The following MEGF6 variants were observed in gnomAD, a reference collection of about 807,000 sequenced individuals.
The protein encoded by MEGF6 is multiple EGF like domains 6.
MEGF6 carries 184 observed loss-of-function variants against 207.1 expected under a neutral mutation model. That is an observed-to-expected ratio of 0.89 (90% CI 0.79 to 1.00). MEGF6 has a LOEUF of 1.00. Among genes scored for constraint, MEGF6 ranks in the 50% least tolerant of loss-of-function variants. The pLI, the probability that MEGF6 is intolerant of heterozygous loss-of-function variation, is 0.00. For synonymous variants in MEGF6, 1,038 were observed against 910.0 expected, an observed-to-expected ratio of 1.14 and a Z score of -2.53; for missense variants, 2,282 against 2,202.9, an observed-to-expected ratio of 1.04 and a Z score of -0.72.
intron 5 of MEGF6, among the ~76,000 whole-genome samples, chr1:3,518,241 A>G (rs1388263526): frequency 1.3e-5 from 2 of 152,046 alleles, no homozygotes; most frequent in African/African-American, 2.4e-5. Flanking sequence ...AGGAAGAGAC[A>G]CAGAGCACTC....
rs563374613 is a variant in MEGF6, at chr1:3,565,360, A to C, written c.481+14465T>G. The stretch of plus-strand genomic sequence containing the variant: ...TTCACCAAGTTCCCTTCCTAGCTGG[A>C]CCTTAAAACCCCCCGGGTCCTGGTG... On this transcript the variant is annotated intron_variant, in intron 4 of 36. Coordinates refer to ENST00000356575, the MANE Select transcript of MEGF6 (RefSeq NM_001409.4). The surrounding 1 kb of genome is among the most constrained non-coding windows in gnomAD (Gnocchi z 4.8). Among the ~76,000 whole-genome samples, 1 of 151,196 alleles carries C rather than the reference A, an allele frequency of 6.6e-6. No individual in the cohort carries two copies. The highest frequency in any genetic ancestry group is 6.6e-5 in the Admixed American group (1 of 15,248).
At chr1:3,589,572 C>T (rs1214149762) in intron 3 of MEGF6, among the ~76,000 whole-genome samples, 4 of 152,198 alleles carry the variant, frequency 2.6e-5, no homozygotes, top group Non-Finnish European at 4.4e-5. Context: ...CCCCTTCCTC[C>T]TGCCTCACTT....
chr1:3,524,631 A>C (rs942605448), intron 4 of MEGF6, among the ~76,000 whole-genome samples: 1 of 152,160 alleles, frequency 6.6e-6, no homozygotes, highest in African/African-American at 2.4e-5. Context: ...CAAGCCCAAA[A>C]AGAGAAACTG....
chr1:3,554,664 C>G (rs1004617048), intron 4 of MEGF6, among the ~76,000 whole-genome samples: 1 of 152,214 alleles, frequency 6.6e-6, no homozygotes, highest in African/African-American at 2.4e-5. Context: ...CAACTGGATC[C>G]TCTCACTCTA....
chr1:3,617,710 C>T, the MEGF6 span, among the ~76,000 whole-genome samples: 6 of 152,220 alleles, frequency 3.9e-5, no homozygotes, highest in South Asian at 2.1e-4. Flanking sequence ...AAAGGATCTC[C>T]GGATGAGAGC....
intron 1 of MEGF6, among the ~76,000 whole-genome samples, chr1:3,603,568 G>A (rs1644195852): frequency 6.6e-6 from 1 of 152,118 alleles, no homozygotes; most frequent in Non-Finnish European, 1.5e-5. Context: ...AGGCATACCT[G>A]GTGCGGGCCG....
chr1:3,576,222 C>T (rs543041740), intron 4 of MEGF6, among the ~76,000 whole-genome samples: 3 of 152,368 alleles, frequency 2.0e-5, no homozygotes, highest in African/African-American at 4.8e-5. Context: ...TGTGCTCCCA[C>T]GGCTCCCGCT....
intron 26 of MEGF6, chr1:3,497,662 G>A: frequency 1.8e-6 from 1 of 569,848 alleles, no homozygotes; most frequent in Non-Finnish European, 3.3e-6. Context: ...CTCAGCCTCT[G>A]GCAGCCCCGC....
chr1:3,601,578 A>C (rs1182712238), intron 2 of MEGF6, among the ~76,000 whole-genome samples: 6 of 152,144 alleles, frequency 3.9e-5, no homozygotes, highest in Non-Finnish European at 8.8e-5. Flanking sequence ...GATGCTCAGC[A>C]GCATCCCTGG....
chr1:3,615,796 T>G (rs1644373339), upstream of MEGF6, among the ~76,000 whole-genome samples: 1 of 152,128 alleles, frequency 6.6e-6, no homozygotes, highest in Non-Finnish European at 1.5e-5. Context: ...TCTCCCCTCT[T>G]TATCCCACCT....
rs202008134 is a variant in MEGF6 at position 3,506,283 on chromosome 1, C to A, written c.1790-47G>T. The A allele has an allele frequency of 1.2e-5, 19 of 1,592,788 alleles. No homozygotes were observed. The African/African-American group carries it at 1.6e-4, about 14-fold the overall frequency. ...GTGAACCTTGGTGGCAGCCAGCCTACCACATGTGGTCCCCCCATGTGGTAG... is the reference window on the plus strand; with the variant it reads ...GTGAACCTTGGTGGCAGCCAGCCTAACACATGTGGTCCCCCCATGTGGTAG... On this transcript the variant is annotated intron_variant, in intron 14 of 36. Coordinates refer to ENST00000356575, the MANE Select transcript of MEGF6 (RefSeq NM_001409.4).
intron 4 of MEGF6, among the ~76,000 whole-genome samples, chr1:3,575,748 C>T (rs1398317287): frequency 6.6e-6 from 1 of 152,206 alleles, no homozygotes; most frequent in Non-Finnish European, 1.5e-5. Flanking sequence ...CGGGAAAGAC[C>T]TGCCCCCATG....
chr1:3,591,877 C>T (rs1643985873), intron 3 of MEGF6, among the ~76,000 whole-genome samples: 1 of 146,848 alleles, frequency 6.8e-6, no homozygotes, highest in Admixed American at 6.8e-5. Flanking sequence ...GGGGCACCAG[C>T]GAGGGGGCTG....
intron 7 of MEGF6, among the ~76,000 whole-genome samples, chr1:3,514,317 C>T (rs1641459684): frequency 6.6e-6 from 1 of 152,188 alleles, no homozygotes; most frequent in Admixed American, 6.5e-5. Flanking sequence ...TGGCTCACTC[C>T]TAGTGAAATG....
chr1:3,537,845 G>C (rs775042921), intron 4 of MEGF6, among the ~76,000 whole-genome samples: 5 of 152,316 alleles, frequency 3.3e-5, no homozygotes, highest in Non-Finnish European at 7.4e-5. Context: ...TCCATGCACA[G>C]GTGGAGACCA....
chr1:3,503,699 ATGTG>A (rs1032191994), intron 17 of MEGF6, among the ~76,000 whole-genome samples: 97 of 135,536 alleles, frequency 7.2e-4, no homozygotes, highest in Admixed American at 3.6e-3. Flanking sequence ...GTGTGCATGT[ATGTG>A]TGTATGTGTG....
upstream of MEGF6, among the ~76,000 whole-genome samples, chr1:3,616,079 A>G (rs79603637): frequency 0.055 from 8,353 of 152,286 alleles, 783 homozygotes; most frequent in African/African-American, 0.19. Context: ...AGAAAGAAGA[A>G]TCAAACTACC....
chr1:3,557,864 G>A (rs1171023122), intron 4 of MEGF6, among the ~76,000 whole-genome samples: 1 of 152,196 alleles, frequency 6.6e-6, no homozygotes, highest in Non-Finnish European at 1.5e-5. Context: ...GCGCCGTCCG[G>A]GTGGGCACAG....
intron 13 of MEGF6, among the ~76,000 whole-genome samples, chr1:3,508,193 T>C (rs970241264): frequency 2.0e-5 from 3 of 152,180 alleles, no homozygotes; most frequent in African/African-American, 7.2e-5. Context: ...GACGGGTCCC[T>C]GGCCATCTGA....
Sources: allele counts gnomAD v4.1 joint callset (sites outside exome capture counted in the v4.1 genomes callset), GRCh38; gene constraint gnomAD v4.1.1; non-coding constraint Gnocchi (gnomAD v3.1); transcripts MANE v1.5; gene names NCBI Gene and HGNC (gene_info 2026-07-23, HGNC 2026-07-21).